ERICH1: variants seen among roughly 807,000 people sequenced by gnomAD.
ERICH1 encodes glutamate rich 1, also known as glutamate-rich protein 1.
In ERICH1, 56 loss-of-function variants were observed where a neutral mutation model predicts 39.6. The observed-to-expected ratio is 1.41, with a 90% CI of 1.14 to 1.77. The LOEUF (loss-of-function observed/expected upper bound fraction) is 1.77, where lower values mean the gene tolerates loss of function less well. Among genes scored for constraint, ERICH1 ranks in the 40% most tolerant of loss-of-function variants. ERICH1 has a pLI of 0.00. For synonymous variants in ERICH1, 313 were observed against 223.6 expected, an observed-to-expected ratio of 1.40 and a Z score of -3.57; for missense variants, 826 against 575.4, an observed-to-expected ratio of 1.44 and a Z score of -4.45.
chr8:639,554 T>A (rs529917022), intron 3 of ERICH1, among the ~76,000 whole-genome samples: 25 of 152,228 alleles, frequency 1.6e-4, no homozygotes, highest in African/African-American at 5.3e-4. Flanking sequence ...GAACCCTGGA[T>A]TCAGAAGCAG....
intron 3 of ERICH1, among the ~76,000 whole-genome samples, chr8:639,068 T>A (rs1454762496): frequency 6.6e-6 from 1 of 152,128 alleles, no homozygotes; most frequent in Non-Finnish European, 1.5e-5. Flanking sequence ...AAGACCACGG[T>A]CCATGCTGCT....
chr8:726,146 TAAG>T (rs1344618880), intron 1 of ERICH1, among the ~76,000 whole-genome samples: 1 of 151,956 alleles, frequency 6.6e-6, no homozygotes, highest in African/African-American at 2.4e-5. Flanking sequence ...CGCCATGCTG[TAAG>T]AAGAAAAAGG....
intron 3 of ERICH1, among the ~76,000 whole-genome samples, chr8:617,491 T>A (rs1404256042): frequency 6.6e-6 from 1 of 151,634 alleles, no homozygotes; most frequent in South Asian, 2.1e-4. Flanking sequence ...TATCCTCACT[T>A]CCCTCTGAAT....
intron 3 of ERICH1, chr8:626,293 C>T (rs1438705298): frequency 6.6e-6 from 1 of 152,198 alleles, no homozygotes; most frequent in Admixed American, 6.5e-5. Flanking sequence ...GACAATTCTA[C>T]TCAGAGCCAA....
chr8:686,684 A>T (rs769842318), intron 3 of ERICH1: 15 of 152,274 alleles, frequency 9.9e-5, no homozygotes, highest in Admixed American at 5.9e-4. Context: ...CCCAGGATGC[A>T]TGAGACCTCC....
chr8:718,172 G>A (rs1041302121), intron 1 of ERICH1, among the ~76,000 whole-genome samples: 46 of 146,164 alleles, frequency 3.1e-4, no homozygotes, highest in African/African-American at 1.0e-3. Flanking sequence ...ACCGCACAAC[G>A]CACAACACAC....
rs1234869875 is a variant in ERICH1, at chr8:646,434, C to A, written c.976+22164G>T. ...GAAAAATCTTTAGCTCTCACAAAGA[C>A]TAAAATTGGGAAATTTGCCTAAACT... On this transcript the variant is annotated intron_variant, in intron 3 of 3. Coordinates refer to the ERICH1 transcript ENST00000522706. Among the ~76,000 whole-genome samples the A allele has an allele frequency of 2.9e-5, 2 of 68,808 alleles. 1 individual carries two copies. The highest frequency in any genetic ancestry group is 9.1e-5 in the Non-Finnish European group (2 of 21,926). 45.1% of individuals were successfully genotyped at this position (68,808 alleles called of 152,430 possible). A position where few individuals can be genotyped will look rare whatever the true frequency, so the allele number is the denominator to read the frequency against.
At chr8:623,790 A>T (rs894079784) in intron 3 of ERICH1, among the ~76,000 whole-genome samples, 2 of 152,238 alleles carry the variant, frequency 1.3e-5, no homozygotes, top group Non-Finnish European at 2.9e-5. Context: ...AACTGAAACT[A>T]TAAAACTGTC....
chr8:673,354 G>C lies in ERICH1; in HGVS notation c.998C>G (p.Thr333Ser). The change falls in exon 4 of 6, where the codon ACC becomes AGC. Residue 333 changes from threonine (T) to serine (S), a missense_variant. Thr to Ser is a moderately conservative substitution (Grantham distance 58). Transcript: ENST00000262109. ...ADASEEDDTI[T>S]NEKAHSILNF... ...TAGAATACTGTGTGCCTTTTCATTG[G>C]TAATTGTATCATCTTCCTCGCTGGC... is the stretch of plus-strand genomic sequence containing the variant. 6.2e-7 allele frequency: 1 copy of C among 1,614,164 alleles called. No homozygotes were observed. Among genetic ancestry groups the C allele is most frequent in the Non-Finnish European group, 8.5e-7 (1 of 1,179,966 alleles).
chr8:651,706 C>A (rs1799969187), intron 3 of ERICH1, among the ~76,000 whole-genome samples: 1 of 121,500 alleles, frequency 8.2e-6, no homozygotes, highest in Non-Finnish European at 1.7e-5. Context: ...GAGAGAGAGG[C>A]TGAGACGGAG....
At chr8:729,147 G>A (rs2132503995) in intron 1 of ERICH1, among the ~76,000 whole-genome samples, 1 of 152,330 alleles carries the variant, frequency 6.6e-6, no homozygotes, top group East Asian at 1.9e-4. Flanking sequence ...CGCAGCCAGG[G>A]CCTGAGGGGC....
At chr8:618,187 A>C (rs1465220846) in intron 3 of ERICH1, among the ~76,000 whole-genome samples, 2 of 144,240 alleles carry the variant, frequency 1.4e-5, no homozygotes, top group Non-Finnish European at 3.0e-5. Context: ...ATCTGTTCTC[A>C]CTGCCCTCTG....
intron 1 of ERICH1, among the ~76,000 whole-genome samples, chr8:727,937 C>G (rs1563381549): frequency 6.6e-6 from 1 of 152,228 alleles, no homozygotes; most frequent in Non-Finnish European, 1.5e-5. Flanking sequence ...TCCCACCACA[C>G]ACACAGCAGC....
At chr8:665,294 G>A (rs982240539) in intron 5 of ERICH1, among the ~76,000 whole-genome samples, 2 of 152,140 alleles carry the variant, frequency 1.3e-5, no homozygotes, top group Non-Finnish European at 2.9e-5. Flanking sequence ...ACTGGTCCCC[G>A]GCTCCAACCT....
chr8:657,873 C>G (rs979285045), intron 3 of ERICH1, among the ~76,000 whole-genome samples: 1 of 152,108 alleles, frequency 6.6e-6, no homozygotes, highest in Non-Finnish European at 1.5e-5. Flanking sequence ...GCCATGAACA[C>G]GAGCACTGCC....
chr8:718,516 A>G (rs1816552207), intron 1 of ERICH1, among the ~76,000 whole-genome samples: 1 of 152,250 alleles, frequency 6.6e-6, no homozygotes, highest in Non-Finnish European at 1.5e-5. Flanking sequence ...ATAGGTGTAC[A>G]GTACATTTCG....
intron 1 of ERICH1, among the ~76,000 whole-genome samples, chr8:726,255 T>C (rs1030979319): frequency 1.3e-5 from 2 of 152,144 alleles, no homozygotes; most frequent in Admixed American, 1.3e-4. Flanking sequence ...AGGGTACAGC[T>C]GGGAGATGCA....
In ERICH1 at chr8:668,726, G is replaced by A. The variant is rs535431658; in HGVS notation, c.1130C>T (p.Ala377Val). Residue 377 changes from alanine to valine, a missense_variant, in exon 5 of 6, where the codon GCG (alanine) becomes GTG (valine). Transcript: ENST00000262109. Reference sequence around the variant, plus strand: ...GTCTGAGGGCAGCATGCTGTGTGACGCAAGGCGGTCCAGCAGCTCCTCAGC... The same window carrying A: ...GTCTGAGGGCAGCATGCTGTGTGACACAAGGCGGTCCAGCAGCTCCTCAGC... ...DAAEELLDRL[A>V]SHSMLPSDVS... 5.0e-6 allele frequency: 8 copies of A among 1,613,878 alleles called. No individual in the cohort carries two copies. The highest frequency in any genetic ancestry group is 3.3e-5 in the South Asian group (3 of 91,070).
chr8:703,984 C>T (rs1208849414), intron 2 of ERICH1, among the ~76,000 whole-genome samples: 4 of 152,172 alleles, frequency 2.6e-5, no homozygotes, highest in African/African-American at 4.8e-5. Flanking sequence ...AGGCCAGAAG[C>T]AGAACCTCAA....
Sources: gnomAD v4.1 joint callset for allele counts (sites outside exome capture counted in the v4.1 genomes callset) on GRCh38, gnomAD v4.1.1 for gene constraint, MANE v1.5 for transcripts, NCBI Gene and HGNC (gene_info 2026-07-23, HGNC 2026-07-21) for gene names.